SRGAP1: variants seen among roughly 807,000 people sequenced by gnomAD.
The protein encoded by SRGAP1 is SLIT-ROBO Rho GTPase-activating protein 1.
A neutral mutation model predicts 121.9 loss-of-function variants in SRGAP1; 43 were observed. That is an observed-to-expected ratio of 0.35 (90% confidence interval 0.28 to 0.46). SRGAP1 has a LOEUF of 0.46. SRGAP1 is among the 20% of genes least tolerant of loss of function. The probability of loss-of-function intolerance (pLI) is 1.00; values close to 1 mark genes in which losing one functional copy is unlikely to be tolerated. For synonymous variants in SRGAP1, 447 were observed against 485.4 expected, an observed-to-expected ratio of 0.92 and a Z score of 1.04; for missense variants, 1,102 against 1,350.9, an observed-to-expected ratio of 0.82 and a Z score of 2.89.
At chr12:64,017,992 TG>T in intron 4 of SRGAP1, among the ~76,000 whole-genome samples, 1 of 152,238 alleles carries the variant, frequency 6.6e-6, no homozygotes, top group South Asian at 2.1e-4. Flanking sequence ...AAATTTCTTT[TG>T]GGGGATATTT....
intron 18 of SRGAP1, among the ~76,000 whole-genome samples, chr12:64,122,508 G>A (rs1181944965): frequency 6.6e-6 from 1 of 152,134 alleles, no homozygotes; most frequent in Non-Finnish European, 1.5e-5. Flanking sequence ...TACTAGGATT[G>A]CCAATAAAAT....
chr12:63,897,841 G>A (rs1900804291), intron 1 of SRGAP1, among the ~76,000 whole-genome samples: 1 of 152,136 alleles, frequency 6.6e-6, no homozygotes, highest in South Asian at 2.1e-4. Context: ...TTGGGGGAGG[G>A]AGATAGATTT....
chr12:64,074,798 T>C (rs991035691), intron 8 of SRGAP1, among the ~76,000 whole-genome samples: 8 of 152,174 alleles, frequency 5.3e-5, no homozygotes, highest in African/African-American at 7.2e-5. Flanking sequence ...AAAAGTATTA[T>C]AAATATAAAA....
intron 17 of SRGAP1, among the ~76,000 whole-genome samples, chr12:64,112,493 T>C (rs1373271216): frequency 6.6e-6 from 1 of 152,232 alleles, no homozygotes; most frequent in Non-Finnish European, 1.5e-5. Context: ...AAATTTATTA[T>C]ATTAATATAT....
intron 10 of SRGAP1, among the ~76,000 whole-genome samples, chr12:64,085,546 TTC>T (rs1421292602): frequency 6.6e-6 from 1 of 152,134 alleles, no homozygotes; most frequent in East Asian, 1.9e-4. Context: ...GCCCTGTCTT[TTC>T]TCTGTGCTCT....
At position 64,115,910 on chromosome 12, in the gene SRGAP1, T is replaced by C. The variant is rs758437243; in HGVS notation, c.2224+17T>C. ...GTGAAGATGGTATGCTCTCCCCTTA[T>C]GCTATTATAAAGCCAGTCTTTATAT... On this transcript the variant is annotated intron_variant, in intron 18 of 21. Coordinates refer to ENST00000355086, the MANE Select transcript of SRGAP1 (RefSeq NM_020762.4). 1 of 1,601,966 alleles carries C rather than the reference T, an allele frequency of 6.2e-7. No individual in the cohort carries two copies. Among genetic ancestry groups the C allele is most frequent in the Non-Finnish European group, 8.5e-7 (1 of 1,172,852 alleles).
chr12:63,863,612 A>G (rs1011887975), intron 1 of SRGAP1, among the ~76,000 whole-genome samples: 1 of 152,186 alleles, frequency 6.6e-6, no homozygotes. Flanking sequence ...TTGCACTTGT[A>G]TTGACAGTGT....
chr12:63,949,087 C>CCATATATGTATTTTCCATATATATACATT (rs1301082216), intron 1 of SRGAP1, among the ~76,000 whole-genome samples: 12,477 of 89,652 alleles, frequency 0.14, 2,507 homozygotes, highest in East Asian at 0.37. Flanking sequence ...TATGTATTTT[C>CCATATATGTATTTTCCATATATATACATT]CATATATGTA....
At chr12:63,866,218 T>C (rs1899625344) in intron 1 of SRGAP1, among the ~76,000 whole-genome samples, 1 of 152,204 alleles carries the variant, frequency 6.6e-6, no homozygotes, top group Admixed American at 6.5e-5. Context: ...TGCTCTCAAC[T>C]GGTCATTGTC....
At chr12:64,044,130 T>TA in intron 6 of SRGAP1, among the ~76,000 whole-genome samples, 1 of 152,296 alleles carries the variant, frequency 6.6e-6, no homozygotes. Context: ...GGATATGATA[T>TA]AAAAAAGCAG....
chr12:64,040,468 G>A (rs908807835), intron 4 of SRGAP1, among the ~76,000 whole-genome samples: 6 of 152,146 alleles, frequency 3.9e-5, no homozygotes, highest in Non-Finnish European at 7.4e-5. Context: ...ACTGGGTGCC[G>A]AGTTCGGGTG....
At chr12:64,017,217 A>G (rs2034427147) in intron 4 of SRGAP1, among the ~76,000 whole-genome samples, 1 of 152,190 alleles carries the variant, frequency 6.6e-6, no homozygotes, top group African/African-American at 2.4e-5. Flanking sequence ...CAAATAAATT[A>G]TCTATCTACC....
At chr12:63,878,083 T>A (rs2136283482) in intron 1 of SRGAP1, among the ~76,000 whole-genome samples, 1 of 152,348 alleles carries the variant, frequency 6.6e-6, no homozygotes, top group East Asian at 1.9e-4. Flanking sequence ...TCAGGCTCTC[T>A]TTATCTAATA....
At chr12:63,998,552 A>C (rs985559017) in intron 3 of SRGAP1, among the ~76,000 whole-genome samples, 2 of 152,222 alleles carry the variant, frequency 1.3e-5, no homozygotes, top group African/African-American at 4.8e-5. Flanking sequence ...CATAGGCACC[A>C]TGAAATTCAC....
rs1179665994 is a variant in SRGAP1 at position 64,154,904 on chromosome 12, G to A, written c.*12232G>A. ...AGAGGAGACAGAAGGAGCAGCCAGG[G>A]CGGAGGAGGAAAACCAGGAGGAGCA... On this transcript the variant is annotated 3_prime_UTR_variant, in exon 22 of 22. Coordinates refer to ENST00000355086, the MANE Select transcript of SRGAP1 (RefSeq NM_020762.4). 1 of 152,628 alleles carries A rather than the reference G, an allele frequency of 6.6e-6. No individual in the cohort carries two copies. Among genetic ancestry groups the A allele is most frequent in the African/African-American group, 2.4e-5 (1 of 41,450 alleles). 9.5% of individuals were successfully genotyped at this position (152,628 alleles called of 1,614,324 possible).
In SRGAP1 at chr12:64,072,016, G is replaced by C; in HGVS notation, c.1125+6797G>C. On this transcript the variant is annotated intron_variant, in intron 8 of 21. Transcript: ENST00000355086. ...GAGCAAGAGAAGGCCATGGCAGGAT[G>C]CTCTGCCTGTGCTCTCGCCTTCTGT... 1.3e-5 allele frequency among the ~76,000 whole-genome samples: 2 copies of C among 151,580 alleles called. 1 individual carries two copies. Among genetic ancestry groups the C allele is most frequent in the Admixed American group, 1.3e-4 (2 of 15,210 alleles).
At chr12:63,915,946 G>A (rs2030750435) in intron 1 of SRGAP1, among the ~76,000 whole-genome samples, 1 of 151,942 alleles carries the variant, frequency 6.6e-6, no homozygotes, top group Admixed American at 6.6e-5. Context: ...GGTAGTATTG[G>A]TTATTGTTTT....
intron 6 of SRGAP1, among the ~76,000 whole-genome samples, chr12:64,047,689 A>C (rs1010586600): frequency 3.9e-5 from 6 of 152,160 alleles, no homozygotes; most frequent in Non-Finnish European, 7.4e-5. Flanking sequence ...TTTTCTAACA[A>C]AGTTTCTATG....
intron 4 of SRGAP1, among the ~76,000 whole-genome samples, chr12:64,023,214 A>G (rs1381345371): frequency 6.6e-6 from 1 of 150,902 alleles, no homozygotes. Flanking sequence ...CAAAAAAAAA[A>G]AAAAAAAAAA....
Sources: gnomAD v4.1 joint callset for allele counts (sites outside exome capture counted in the v4.1 genomes callset) on GRCh38, gnomAD v4.1.1 for gene constraint, MANE v1.5 for transcripts, NCBI Gene and HGNC (gene_info 2026-07-23, HGNC 2026-07-21) for gene names.